Variants in CDH23 observed in about 807,000 individuals in gnomAD.
CDH23 encodes cadherin-23.
CDH23 carries 189 observed loss-of-function variants against 317.1 expected under a neutral mutation model. The ratio of observed to expected loss-of-function variants is 0.60; its 90% CI spans 0.53 to 0.67. The LOEUF is 0.67. Ranked by LOEUF, CDH23 falls within the 30% of genes least tolerant of loss-of-function variation. The probability of loss-of-function intolerance (pLI) is 0.00; values close to 1 mark genes in which losing one functional copy is unlikely to be tolerated. For missense variants in CDH23, 4,401 were observed against 4,592.4 expected, an observed-to-expected ratio of 0.96 and a Z score of 1.20; for synonymous variants, 1,839 against 1,876.8, an observed-to-expected ratio of 0.98 and a Z score of 0.52.
chr10:71,812,563 A>C lies in CDH23; in HGVS notation c.9464A>C (p.Asn3155Thr). Residue 3155 changes from asparagine (N) to threonine (T), a missense_variant, in exon 67 of 70, where the codon AAC (asparagine) becomes ACC (threonine). Around this residue, in one of 3 missense-constraint regions of CDH23, gnomAD observed 1,144 missense variants for 1,138.2 expected, o/e 1.01. Transcript: ENST00000224721. Reference sequence around the variant, plus strand: ...GAGCATGAGGATGACCTACCGGAGAACCTGAGTGAGATCGCCGACCTGTGG... The same window carrying C: ...GAGCATGAGGATGACCTACCGGAGACCCTGAGTGAGATCGCCGACCTGTGG... ...QAEHEDDLPE[N>T]LSEIADLWNS... is the part of the protein sequence containing the mutation. 2 of 1,613,936 alleles carry C rather than the reference A, an allele frequency of 1.2e-6. No individual in the cohort carries two copies. The highest frequency in any genetic ancestry group is 1.7e-6 in the Non-Finnish European group (2 of 1,179,892).
intron 14 of CDH23, among the ~76,000 whole-genome samples, chr10:71,665,442 T>C (rs922941985): frequency 6.6e-6 from 1 of 152,150 alleles, no homozygotes; most frequent in Non-Finnish European, 1.5e-5. Flanking sequence ...GCTTTGCAAA[T>C]GTAGATCAGA....
At chr10:71,753,347 A>G (rs2132868509) in intron 38 of CDH23, among the ~76,000 whole-genome samples, 1 of 152,370 alleles carries the variant, frequency 6.6e-6, no homozygotes, top group East Asian at 1.9e-4. Context: ...TCAGGATTTA[A>G]GTATCGAGCA....
chr10:71,765,367 T>C (rs965840465), intron 38 of CDH23, among the ~76,000 whole-genome samples: 10 of 151,934 alleles, frequency 6.6e-5, no homozygotes, highest in African/African-American at 1.9e-4. Flanking sequence ...CAGAGGAGGG[T>C]ATGGCAGGGC....
At chr10:71,462,205 C>T (rs976429132) in intron 3 of CDH23, among the ~76,000 whole-genome samples, 1 of 152,220 alleles carries the variant, frequency 6.6e-6, no homozygotes, top group African/African-American at 2.4e-5. Context: ...CTGAGATGCC[C>T]AGTGCAGTTC....
At chr10:71,746,409 C>T (rs981550934) in intron 38 of CDH23, among the ~76,000 whole-genome samples, 2 of 152,228 alleles carry the variant, frequency 1.3e-5, no homozygotes, top group African/African-American at 2.4e-5. Flanking sequence ...CACCCCCATC[C>T]GGCCTCAGCC....
intron 67 of CDH23, 51 bp from the exon 68 acceptor site, chr10:71,812,717 T>C: frequency 6.2e-7 from 1 of 1,612,756 alleles, no homozygotes; most frequent in Non-Finnish European, 8.5e-7. Flanking sequence ...CCCTCCCTTG[T>C]ACATGTGTGT....
At chr10:71,413,389 AGTTTT>A (rs1304365025) in intron 1 of CDH23, among the ~76,000 whole-genome samples, 1 of 152,032 alleles carries the variant, frequency 6.6e-6, no homozygotes, top group Non-Finnish European at 1.5e-5. Flanking sequence ...CTGTGTAGTA[AGTTTT>A]GAAATAGAAA....
At chr10:71,627,871 G>A (rs1331171402) in intron 11 of CDH23, among the ~76,000 whole-genome samples, 1 of 152,162 alleles carries the variant, frequency 6.6e-6, no homozygotes, top group Non-Finnish European at 1.5e-5. Flanking sequence ...AGACCCCAAT[G>A]GGAATCAGAA....
At position 71,704,321 on chromosome 10, in the gene CDH23, A is replaced by G. The variant is rs1235682932; in HGVS notation, c.2734-590A>G. ...TCTTGAGTCGGGCAATCTGATCAGG[A>G]CTGGAGGTGCAGATGAGAACAGTGT... On this transcript the variant is annotated intron_variant, in intron 24 of 69. Coordinates refer to ENST00000224721, the MANE Select transcript of CDH23 (RefSeq NM_022124.6). Among the ~76,000 whole-genome samples, 3 of 152,176 alleles carry G rather than the reference A, an allele frequency of 2.0e-5. No homozygotes were observed. The East Asian group carries it at 5.8e-4, about 29-fold the overall frequency.
chr10:71,740,035 A>G (rs1437930457), intron 36 of CDH23, among the ~76,000 whole-genome samples: 5 of 152,206 alleles, frequency 3.3e-5, no homozygotes, highest in African/African-American at 1.2e-4. Flanking sequence ...AGCCAGGAGG[A>G]TGAGGGAGAG....
At chr10:71,671,028 C>T (rs1468533083) in intron 14 of CDH23, among the ~76,000 whole-genome samples, 1 of 149,104 alleles carries the variant, frequency 6.7e-6, no homozygotes, top group Non-Finnish European at 1.5e-5. Context: ...GGTGCAATCT[C>T]GGTTCACTGC....
chr10:71,503,703 T>A (rs1853471885), intron 3 of CDH23, among the ~76,000 whole-genome samples: 1 of 151,154 alleles, frequency 6.6e-6, no homozygotes, highest in South Asian at 2.1e-4. Flanking sequence ...TAACGTGGAG[T>A]CTTAGGACAC....
At chr10:71,730,750 G>T in intron 31 of CDH23, 146 bp downstream of exon 31, 1 of 1,229,644 alleles carries the variant, frequency 8.1e-7, no homozygotes, top group Non-Finnish European at 1.1e-6. Context: ...TGCTGGGATG[G>T]TCTTGATCAC....
chr10:71,502,337 T>G (rs970489351), intron 3 of CDH23, among the ~76,000 whole-genome samples: 1 of 152,200 alleles, frequency 6.6e-6, no homozygotes, highest in Non-Finnish European at 1.5e-5. Context: ...CATGGAACCC[T>G]GTATTGTGAA....
chr10:71,731,580 G>A (rs776536614), intron 31 of CDH23, among the ~76,000 whole-genome samples: 1 of 152,148 alleles, frequency 6.6e-6, no homozygotes, highest in Admixed American at 6.5e-5. Context: ...CCCTTCTGTC[G>A]AAGGGACCAA....
intron 1 of CDH23, among the ~76,000 whole-genome samples, chr10:71,414,610 A>T (rs895366491): frequency 6.6e-6 from 1 of 151,030 alleles, no homozygotes; most frequent in Non-Finnish European, 1.5e-5. Context: ...ATGAATTGCT[A>T]ATGTTCTGCT....
rs370568585 is a variant in CDH23 at position 71,815,257 on chromosome 10, C to G, written c.10044C>G (p.Pro3348=). The G allele has an allele frequency of 3.2e-4, 507 of 1,578,824 alleles. No homozygotes were observed. The highest frequency in any genetic ancestry group is 8.4e-4 in the Middle Eastern group (5 of 5,944). ...HKLRDVIMET[P]LEITEL ...TTCGCGACGTGATCATGGAGACCCC[C>G]CTGGAGATCACAGAGCTGTGACTAG... The change falls in exon 70 of 70, where the codon CCC becomes CCG. Residue 3348 remains proline (P), a synonymous_variant. Coordinates refer to ENST00000224721, the MANE Select transcript of CDH23 (RefSeq NM_022124.6).
rs182950836 is a variant in CDH23 at position 71,651,965 on chromosome 10, C to T, written c.1449+5348C>T. Among the ~76,000 whole-genome samples, 74 of 152,266 alleles carry T rather than the reference C, an allele frequency of 4.9e-4. No homozygotes were observed. The East Asian group carries it at 8.3e-3, about 17-fold the overall frequency. ...TGAGGAAGGGTGGCAGCCCCCCTGG[C>T]GCAGGGCTTACTGAGCTCCAAGGCC... On this transcript the variant is annotated intron_variant, in intron 14 of 69. Coordinates refer to ENST00000224721, the MANE Select transcript of CDH23 (RefSeq NM_022124.6).
intron 38 of CDH23, chr10:71,755,005 C>T (rs1017641238): frequency 1.2e-4 from 54 of 451,274 alleles, no homozygotes; most frequent in Admixed American, 3.9e-4. Flanking sequence ...ACAAAACAAG[C>T]ACGCCCATAC....
Sources: gnomAD v4.1 joint callset for allele counts (sites outside exome capture counted in the v4.1 genomes callset) on GRCh38, gnomAD v4.1.1 for gene constraint, gnomAD v4.1.1 regional missense constraint, MANE v1.5 for transcripts, NCBI Gene and HGNC (gene_info 2026-07-23, HGNC 2026-07-21) for gene names.